The following PRKCA variants were observed in gnomAD, a reference collection of about 807,000 sequenced individuals.
PRKCA encodes the protein protein kinase C alpha, also known as protein kinase C alpha type.
A neutral mutation model predicts 87.0 loss-of-function variants in PRKCA; 27 were observed. That is an observed-to-expected ratio of 0.31 (90% CI 0.23 to 0.43). PRKCA has a LOEUF of 0.43. PRKCA is among the 20% of genes least tolerant of loss of function. The pLI, the probability that PRKCA is intolerant of heterozygous loss-of-function variation, is 1.00. For synonymous variants in PRKCA, 329 were observed against 311.1 expected, an observed-to-expected ratio of 1.06 and a Z score of -0.61; for missense variants, 518 against 852.3, an observed-to-expected ratio of 0.61 and a Z score of 4.88.
intron 2 of PRKCA, among the ~76,000 whole-genome samples, chr17:66,426,950 C>T (rs1437229748): frequency 6.6e-6 from 1 of 152,078 alleles, no homozygotes; most frequent in Non-Finnish European, 1.5e-5. Context: ...TGCCTCAGAC[C>T]TTTTTGTAAG....
At chr17:66,465,271 A>G (rs1915035510) in intron 2 of PRKCA, among the ~76,000 whole-genome samples, 1 of 152,220 alleles carries the variant, frequency 6.6e-6, no homozygotes, top group South Asian at 2.1e-4. Flanking sequence ...GTTTTGTGGG[A>G]AAGGGAATTT....
intron 2 of PRKCA, among the ~76,000 whole-genome samples, chr17:66,458,007 G>A (rs1299058399): frequency 3.3e-5 from 5 of 151,976 alleles, no homozygotes; most frequent in East Asian, 1.9e-4. Flanking sequence ...CAGAATCTCC[G>A]TCATCTCCCA....
chr17:66,714,670 C>T (rs936711143), intron 8 of PRKCA, among the ~76,000 whole-genome samples: 1 of 152,218 alleles, frequency 6.6e-6, no homozygotes, highest in Non-Finnish European at 1.5e-5. Flanking sequence ...TGCAGGATGG[C>T]GAGGCTCCCA....
intron 14 of PRKCA, chr17:66,775,786 G>T (rs1190142928): frequency 2.0e-6 from 2 of 981,938 alleles, no homozygotes; most frequent in African/African-American, 1.7e-5. Context: ...CTTACAATGT[G>T]CATGGCCATA....
chr17:66,432,991 G>A (rs1375766102), intron 2 of PRKCA, among the ~76,000 whole-genome samples: 1 of 152,152 alleles, frequency 6.6e-6, no homozygotes, highest in Non-Finnish European at 1.5e-5. Context: ...TGAGGTGTGA[G>A]CTACTGAAGG....
At chr17:66,777,795 T>C (rs1975094264) in intron 14 of PRKCA, 4 of 985,194 alleles carry the variant, frequency 4.1e-6, no homozygotes, top group South Asian at 4.7e-5. Context: ...CGAGGGCGCT[T>C]TACAAGAGGT....
At position 66,679,951 on chromosome 17, in the gene PRKCA, T is replaced by G. The variant is rs551309800; in HGVS notation, c.530-7160T>G. Among the ~76,000 whole-genome samples, 4 of 152,372 alleles carry G rather than the reference T, an allele frequency of 2.6e-5. No homozygotes were observed. In the East Asian group the frequency reaches 7.7e-4, roughly 29 times the overall value. On this transcript the variant is annotated intron_variant, in intron 5 of 16. Transcript: ENST00000413366. The stretch of plus-strand genomic sequence containing the variant: ...ATAGCATCTTTTTACATGAAATTAA[T>G]TTATGGATCTAAAGTCCTTTGAGAG...
chr17:66,532,452 G>A (rs1368144167), intron 3 of PRKCA, among the ~76,000 whole-genome samples: 1 of 151,492 alleles, frequency 6.6e-6, no homozygotes, highest in African/African-American at 2.4e-5. Flanking sequence ...TGCAGCTTCC[G>A]CCTCCCGGGT....
At chr17:66,554,609 G>A in intron 3 of PRKCA, 1 of 897,204 alleles carries the variant, frequency 1.1e-6, no homozygotes, top group Non-Finnish European at 1.3e-6. Flanking sequence ...AATTTTAAAG[G>A]ACTTTTTTTT....
chr17:66,479,183 C>T (rs1281833075), intron 2 of PRKCA, among the ~76,000 whole-genome samples: 4 of 151,988 alleles, frequency 2.6e-5, no homozygotes, highest in Non-Finnish European at 5.9e-5. Flanking sequence ...AAAAAACAAC[C>T]CCCCAAAAAA....
intron 3 of PRKCA, among the ~76,000 whole-genome samples, chr17:66,501,011 G>T (rs1916707382): frequency 1.3e-5 from 2 of 151,842 alleles, no homozygotes; most frequent in Admixed American, 6.6e-5. Context: ...TTCATGTGCT[G>T]CTTAATAGTA....
chr17:66,452,795 C>T (rs1234286630), intron 2 of PRKCA, among the ~76,000 whole-genome samples: 3 of 152,260 alleles, frequency 2.0e-5, no homozygotes, highest in East Asian at 1.9e-4. Context: ...ACCTGGGAGG[C>T]GGAGCATGCA....
chr17:66,788,891 G>C lies in PRKCA; in HGVS notation c.1766G>C (p.Arg589Thr). Reference protein sequence around the residue: ...KRLGCGPEGERDVREHAFFRR... With the variant: ...KRLGCGPEGETDVREHAFFRR... ...CTGGGCTGTGGGCCTGAGGGGGAGAGGGACGTGAGAGAGCATGCCTTCTTC... is the reference window on the plus strand; with the variant it reads ...CTGGGCTGTGGGCCTGAGGGGGAGACGGACGTGAGAGAGCATGCCTTCTTC... The change falls in exon 16 of 17, where the codon AGG (arginine) becomes ACG (threonine). Residue 589 changes from arginine (R) to threonine (T), a missense_variant. This residue lies in a region of PRKCA where 159 missense variants were observed against 232.4 expected (regional missense o/e 0.68). Coordinates refer to ENST00000413366, the MANE Select transcript of PRKCA (RefSeq NM_002737.3). The C allele has an allele frequency of 6.2e-7, 1 of 1,614,084 alleles. No individual in the cohort carries two copies. The highest frequency in any genetic ancestry group is 8.5e-7 in the Non-Finnish European group (1 of 1,179,986).
intron 5 of PRKCA, among the ~76,000 whole-genome samples, chr17:66,674,010 G>A (rs946696794): frequency 2.0e-5 from 3 of 152,340 alleles, no homozygotes; most frequent in African/African-American, 4.8e-5. Flanking sequence ...CCAAATGGAC[G>A]CTTTATGTAC....
In PRKCA at chr17:66,310,205, T is replaced by A. The variant is rs1236623347; in HGVS notation, c.205+4078T>A. Reference sequence around the variant, plus strand: ...CTGCCTAACCTCCACTTGTTTTCTCTAATTTTTTTTTTTTTTTGCTATTCT... The same window carrying A: ...CTGCCTAACCTCCACTTGTTTTCTCAAATTTTTTTTTTTTTTTGCTATTCT... On this transcript the variant is annotated intron_variant, in intron 2 of 16. Transcript: ENST00000413366. 2.5e-5 allele frequency among the ~76,000 whole-genome samples: 3 copies of A among 118,508 alleles called. No individual in the cohort carries two copies. The East Asian group carries it at 6.6e-4, about 26-fold the overall frequency. 77.7% of individuals were successfully genotyped at this position (118,508 alleles called of 152,430 possible).
chr17:66,311,080 G>T (rs1375546574), intron 2 of PRKCA, among the ~76,000 whole-genome samples: 1 of 152,144 alleles, frequency 6.6e-6, no homozygotes, highest in Non-Finnish European at 1.5e-5. Context: ...TTCAGGAGGG[G>T]TTCAGCCCTT....
intron 16 of PRKCA, among the ~76,000 whole-genome samples, chr17:66,802,975 C>T (rs921018889): frequency 1.3e-5 from 2 of 152,166 alleles, no homozygotes; most frequent in Non-Finnish European, 2.9e-5. Flanking sequence ...CCTGGGCTCC[C>T]GGGGACTTCA....
chr17:66,327,913 C>T (rs1023713934), intron 2 of PRKCA, among the ~76,000 whole-genome samples: 10 of 152,136 alleles, frequency 6.6e-5, no homozygotes, highest in African/African-American at 2.2e-4. Context: ...TGGAATCCCT[C>T]TAGTGATGGA....
At position 66,687,092 on chromosome 17, in the gene PRKCA, C is replaced by T. The variant is rs756552889; in HGVS notation, c.530-19C>T. On this transcript the variant is annotated intron_variant, in intron 5 of 16. Transcript: ENST00000413366. ...GTCTGTTCTCTTTTTGTAATATTTT[C>T]TTCCTTCTCTCTTCACAGTACGAGA... 6.9e-6 allele frequency: 11 copies of T among 1,592,850 alleles called. No homozygotes were observed. The highest frequency in any genetic ancestry group is 7.7e-6 in the Non-Finnish European group (9 of 1,165,496).
Sources: allele counts gnomAD v4.1 joint callset (sites outside exome capture counted in the v4.1 genomes callset), GRCh38; gene constraint gnomAD v4.1.1; regional missense constraint gnomAD v4.1.1; transcripts MANE v1.5; gene names NCBI Gene and HGNC (gene_info 2026-07-23, HGNC 2026-07-21).